The following ABCC1 variants were observed in gnomAD, a reference collection of about 807,000 sequenced individuals.
ABCC1 encodes multidrug resistance-associated protein 1.
ABCC1 carries 83 observed loss-of-function variants against 172.9 expected under a neutral mutation model. That is an observed-to-expected ratio of 0.48 (90% CI 0.40 to 0.58). ABCC1 has a LOEUF of 0.58. ABCC1 is among the 20% of genes least tolerant of loss of function. ABCC1 has a pLI of 0.00. For missense variants in ABCC1, 1,817 were observed against 2,002.7 expected, an observed-to-expected ratio of 0.91 and a Z score of 1.77; for synonymous variants, 937 against 825.2, an observed-to-expected ratio of 1.14 and a Z score of -2.32.
At chr16:16,033,876 C>T (rs921014413) in intron 6 of ABCC1, among the ~76,000 whole-genome samples, 4 of 152,070 alleles carry the variant, frequency 2.6e-5, no homozygotes, top group African/African-American at 4.8e-5. Flanking sequence ...CCACCCGCAT[C>T]GACTTCCCAA....
At chr16:16,056,011 T>G in intron 11 of ABCC1, 81 bp from the exon 12 acceptor site, 4 of 1,247,038 alleles carry the variant, frequency 3.2e-6, no homozygotes, top group Non-Finnish European at 4.6e-6. Flanking sequence ...ATAAAGTTTA[T>G]GAGAAAAATA....
intron 20 of ABCC1, among the ~76,000 whole-genome samples, chr16:16,103,749 A>G (rs572540812): frequency 2.6e-5 from 4 of 152,280 alleles, no homozygotes; most frequent in Non-Finnish European, 4.4e-5. Flanking sequence ...GCGGCATAGC[A>G]CGGTGCCTGG....
chr16:16,016,524 T>C lies in ABCC1; in HGVS notation c.518T>C (p.Ile173Thr). The C allele has an allele frequency of 6.2e-7, 1 of 1,614,152 alleles. No individual in the cohort carries two copies. The highest frequency in any genetic ancestry group is 1.6e-4 in the Middle Eastern group (1 of 6,062). Residue 173 changes from isoleucine to threonine, a missense_variant, in exon 5 of 31, where the codon ATC (isoleucine) becomes ACC (threonine). Physicochemically the swap from Ile to Thr is moderately conservative, Grantham distance 89. Transcript: ENST00000399410. ...EDAQVDLFRD[I>T]TFYVYFSLLL... ...GCCCAGGTGGACCTGTTTCGTGACA[T>C]CACTTTCTACGTCTACTTTTCCCTC...
In ABCC1 at chr16:16,072,532, C is replaced by T. The variant is rs45576634; in HGVS notation, c.1912+803C>T. Among the ~76,000 whole-genome samples, 934 of 142,222 alleles carry T rather than the reference C, an allele frequency of 6.6e-3. 11 individuals are homozygous for T. Among genetic ancestry groups the T allele is most frequent in the African/African-American group, 0.023 (888 of 37,904 alleles). The allele number at this position is 142,222 out of a possible 152,430, so 93.3% of individuals were successfully genotyped here. ...ATTGTTTTATTTGGAGAGACAAGGT[C>T]TTGCTTTGTTCCTCAAGTTGGTCTT... On this transcript the variant is annotated intron_variant, in intron 14 of 30. Coordinates refer to ENST00000399410, the MANE Select transcript of ABCC1 (RefSeq NM_004996.4).
At chr16:16,134,538 G>A (rs1379209686) in intron 28 of ABCC1, 30 bp downstream of exon 28, 1 of 1,612,010 alleles carries the variant, frequency 6.2e-7, no homozygotes, top group Admixed American at 1.7e-5. Flanking sequence ...CAGGGGGTGA[G>A]CCAGAGCTGG....
rs71137915 is a variant in ABCC1, at chr16:16,132,510, G to GTTTTTTTT, written c.3966+597_3966+604dup. On this transcript the variant is annotated intron_variant, in intron 27 of 30. Coordinates refer to ENST00000399410, the MANE Select transcript of ABCC1 (RefSeq NM_004996.4). The stretch of plus-strand genomic sequence containing the variant: ...TTCTTTTTTTGTTTTTTGGTTGGTT[G>GTTTTTTTT]TTTTTTTTTTTTTTTTTTTTTTTTT... Among the ~76,000 whole-genome samples the GTTTTTTTT allele has an allele frequency of 9.6e-3, 356 of 37,224 alleles. 29 individuals carry two copies. Among genetic ancestry groups the GTTTTTTTT allele is most frequent in the South Asian group, 0.015 (12 of 776 alleles). The allele number at this position is 37,224 out of a possible 152,430, so 24.4% of individuals were successfully genotyped here. A position where few individuals can be genotyped will look rare whatever the true frequency, so the allele number is the denominator to read the frequency against.
At chr16:16,018,522 C>T in intron 5 of ABCC1, among the ~76,000 whole-genome samples, 1 of 152,074 alleles carries the variant, frequency 6.6e-6, no homozygotes, top group Non-Finnish European at 1.5e-5. Flanking sequence ...GCGCTCCAAC[C>T]TGGGTGACAG....
chr16:16,069,169 A>C (rs866637632), intron 13 of ABCC1, among the ~76,000 whole-genome samples: 1 of 107,514 alleles, frequency 9.3e-6, no homozygotes, highest in Admixed American at 8.8e-5. Flanking sequence ...AAATAAAATA[A>C]AAATAAATAA....
At chr16:15,957,266 T>G (rs1443259397) in intron 1 of ABCC1, among the ~76,000 whole-genome samples, 5 of 146,370 alleles carry the variant, frequency 3.4e-5, no homozygotes, top group African/African-American at 1.1e-4. Flanking sequence ...TTTTTTTTTT[T>G]GTAGAGATAG....
intron 1 of ABCC1, among the ~76,000 whole-genome samples, chr16:15,951,649 AG>A (rs1242698177): frequency 6.6e-6 from 1 of 151,870 alleles, no homozygotes; most frequent in Admixed American, 6.6e-5. Flanking sequence ...ATTAACTGAA[AG>A]CTAGAAAGTA....
intron 29 of ABCC1, among the ~76,000 whole-genome samples, chr16:16,136,945 G>T (rs1292716744): frequency 6.6e-6 from 1 of 152,120 alleles, no homozygotes; most frequent in African/African-American, 2.4e-5. Flanking sequence ...GTACCAGTTG[G>T]TCACTAGCAC....
At chr16:16,137,496 C>T (rs1236497917) in intron 29 of ABCC1, among the ~76,000 whole-genome samples, 1 of 150,948 alleles carries the variant, frequency 6.6e-6, no homozygotes, top group African/African-American at 2.4e-5. Flanking sequence ...GATTCCAGAG[C>T]CACCTCTCAT....
chr16:16,088,407 T>C (rs2051104642), intron 18 of ABCC1, among the ~76,000 whole-genome samples: 1 of 152,234 alleles, frequency 6.6e-6, no homozygotes, highest in South Asian at 2.1e-4. Context: ...ATTGCGCCAC[T>C]GCACTCTAGC....
At chr16:16,114,486 G>T (rs373542436) in intron 22 of ABCC1, among the ~76,000 whole-genome samples, 1 of 151,804 alleles carries the variant, frequency 6.6e-6, no homozygotes, top group Admixed American at 6.6e-5. Flanking sequence ...GATTACAGGC[G>T]CCAACCACCA....
chr16:16,102,720 A>G lies in ABCC1; in HGVS notation c.2735+3A>G. 1 of 1,568,668 alleles carries G rather than the reference A, an allele frequency of 6.4e-7. No individual in the cohort carries two copies. The highest frequency in any genetic ancestry group is 8.6e-7 in the Non-Finnish European group (1 of 1,156,492). On this transcript the variant is annotated splice_donor_region_variant and intron_variant, in intron 20 of 30. Transcript: ENST00000399410. The stretch of plus-strand genomic sequence containing the variant: ...AGTGCAGGGAAGCAACTGCAGAGGT[A>G]AGGGCGGGGAGGAAGGCCCCAACCT...
intron 7 of ABCC1, among the ~76,000 whole-genome samples, chr16:16,039,957 G>A (rs2048909380): frequency 6.6e-6 from 1 of 152,104 alleles, no homozygotes; most frequent in Admixed American, 6.6e-5. Context: ...GGATTTGCAG[G>A]GGTCTCCTCT....
At position 16,004,730 on chromosome 16, in the gene ABCC1, C is replaced by T. The variant is rs61432117; in HGVS notation, c.49-3086C>T. Among the ~76,000 whole-genome samples, 1,195 of 148,428 alleles carry T rather than the reference C, an allele frequency of 8.1e-3. 23 individuals carry two copies. The highest frequency in any genetic ancestry group is 0.028 in the African/African-American group (1,135 of 40,316). On this transcript the variant is annotated intron_variant, in intron 1 of 30. Transcript: ENST00000399410. Reference sequence around the variant, plus strand: ...AGTGCAGTGGTGCAGTCTCAGCTCACTGCAACCTTTGCCTCCCGGGTTCAG... The same window carrying T: ...AGTGCAGTGGTGCAGTCTCAGCTCATTGCAACCTTTGCCTCCCGGGTTCAG...
At chr16:16,065,291 C>T (rs78882469) in intron 12 of ABCC1, among the ~76,000 whole-genome samples, 1 of 152,128 alleles carries the variant, frequency 6.6e-6, no homozygotes, top group South Asian at 2.1e-4. Context: ...AGATGGGGGC[C>T]TCACTCTGTT....
At chr16:15,971,055 G>C (rs6498592) in intron 1 of ABCC1, among the ~76,000 whole-genome samples, 344 of 152,320 alleles carry the variant, frequency 2.3e-3, no homozygotes, top group African/African-American at 7.9e-3. Flanking sequence ...GAAGGGGCAA[G>C]AAAGAAGGGA....
Sources: gnomAD v4.1 joint callset for allele counts (sites outside exome capture counted in the v4.1 genomes callset) on GRCh38, gnomAD v4.1.1 for gene constraint, MANE v1.5 for transcripts, NCBI Gene and HGNC (gene_info 2026-07-23, HGNC 2026-07-21) for gene names.